Variants in CSMD1 observed in about 807,000 individuals in gnomAD.
The protein encoded by CSMD1 is CUB and sushi domain-containing protein 1.
Under a neutral mutation model 417.5 loss-of-function variants are expected in CSMD1, and 213 were observed. The ratio of observed to expected loss-of-function variants is 0.51; its 90% CI spans 0.46 to 0.57. The LOEUF is 0.57. CSMD1 is among the 20% of genes least tolerant of loss of function. CSMD1 has a pLI of 0.00. For synonymous variants in CSMD1, 2,862 were observed against 1,736.8 expected (o/e 1.65, Z -16.11); for missense variants, 6,923 against 4,529.7 (o/e 1.53, Z -15.17).
chr8:3,083,610 TTATATATATATATATATATATA>T (rs1554507974), intron 49 of CSMD1, among the ~76,000 whole-genome samples: 15 of 30,924 alleles, frequency 4.9e-4, no homozygotes, highest in African/African-American at 9.7e-4. Flanking sequence ...ACCATAATTT[TTATATATATATATATATATATA>T]TATATATATA....
At chr8:2,985,824 A>C (rs895716673) in intron 54 of CSMD1, among the ~76,000 whole-genome samples, 1 of 151,882 alleles carries the variant, frequency 6.6e-6, no homozygotes, top group African/African-American at 2.4e-5. Context: ...TTTATTCTAC[A>C]AGGAAACCGG....
At chr8:4,236,648 T>G (rs73186163) in intron 3 of CSMD1, among the ~76,000 whole-genome samples, 6,289 of 152,294 alleles carry the variant, frequency 0.041, 151 homozygotes, top group East Asian at 0.089. Flanking sequence ...AAATCAATGT[T>G]AAAATAATGA....
intron 3 of CSMD1, among the ~76,000 whole-genome samples, chr8:4,181,676 C>G (rs1798385403): frequency 6.6e-6 from 1 of 152,064 alleles, no homozygotes; most frequent in Non-Finnish European, 1.5e-5. Context: ...ATAATATTGA[C>G]TCAATTCATT....
At chr8:3,200,480 G>C (rs374558126) in intron 32 of CSMD1, among the ~76,000 whole-genome samples, 1 of 151,794 alleles carries the variant, frequency 6.6e-6, no homozygotes, top group African/African-American at 2.4e-5. Context: ...GCTTGAACCT[G>C]GGAGATGGAG....
At chr8:4,719,134 A>G (rs1808881838) in intron 1 of CSMD1, among the ~76,000 whole-genome samples, 1 of 152,190 alleles carries the variant, frequency 6.6e-6, no homozygotes, top group Non-Finnish European at 1.5e-5. Flanking sequence ...ACAAGAAACT[A>G]AAGACAATGA....
chr8:4,701,501 G>A (rs1333553384), intron 1 of CSMD1, among the ~76,000 whole-genome samples: 1 of 151,946 alleles, frequency 6.6e-6, no homozygotes, highest in Non-Finnish European at 1.5e-5. Flanking sequence ...GAACACCCAG[G>A]CCGCCTCCCA....
At chr8:3,588,852 C>T (rs1261505408) in intron 8 of CSMD1, among the ~76,000 whole-genome samples, 12 of 152,028 alleles carry the variant, frequency 7.9e-5, no homozygotes. Flanking sequence ...TTCATATCCA[C>T]AAATACAAAG....
intron 5 of CSMD1, among the ~76,000 whole-genome samples, chr8:3,815,589 T>C (rs1182736472): frequency 6.6e-6 from 1 of 150,668 alleles, no homozygotes; most frequent in African/African-American, 2.4e-5. Context: ...ACATAAAAAT[T>C]AATATGACTT....
chr8:4,452,394 G>C (rs533565095), intron 2 of CSMD1, among the ~76,000 whole-genome samples: 3 of 152,168 alleles, frequency 2.0e-5, no homozygotes, highest in Admixed American at 6.5e-5. Context: ...TCGAGGGCTT[G>C]GGGTTCAGAG....
chr8:3,666,907 G>T (rs971810680), intron 7 of CSMD1, among the ~76,000 whole-genome samples: 4 of 152,128 alleles, frequency 2.6e-5, no homozygotes, highest in African/African-American at 9.7e-5. Context: ...TATTACACCT[G>T]CTATGGTGCA....
intron 10 of CSMD1, among the ~76,000 whole-genome samples, chr8:3,516,853 T>G (rs1178195411): frequency 6.6e-6 from 1 of 152,174 alleles, no homozygotes; most frequent in African/African-American, 2.4e-5. Flanking sequence ...AACTCATTAT[T>G]TGATAAAGAT....
chr8:4,016,611 T>G (rs1261947027), intron 4 of CSMD1, among the ~76,000 whole-genome samples: 1 of 152,156 alleles, frequency 6.6e-6, no homozygotes, highest in Non-Finnish European at 1.5e-5. Flanking sequence ...TGAGGAAAAT[T>G]ATTTGGGTGA....
chr8:3,379,786 A>G (rs530244797), intron 18 of CSMD1, among the ~76,000 whole-genome samples: 2 of 152,348 alleles, frequency 1.3e-5, no homozygotes, highest in South Asian at 4.1e-4. Context: ...ACCTAAAACC[A>G]TAAAAACCCT....
chr8:3,495,881 T>C (rs1484795229), intron 10 of CSMD1, among the ~76,000 whole-genome samples: 2 of 152,130 alleles, frequency 1.3e-5, no homozygotes, highest in Non-Finnish European at 2.9e-5. Flanking sequence ...GGATGCTCCA[T>C]ATTTCTTTTT....
At chr8:4,000,315 CCA>C (rs1563303345) in intron 4 of CSMD1, among the ~76,000 whole-genome samples, 2 of 152,230 alleles carry the variant, frequency 1.3e-5, no homozygotes, top group Admixed American at 6.5e-5. Context: ...GCCCAGCTCG[CCA>C]CAGTTTTTAT....
chr8:4,517,996 C>G (rs2130378774), intron 2 of CSMD1, among the ~76,000 whole-genome samples: 1 of 152,200 alleles, frequency 6.6e-6, no homozygotes, highest in Non-Finnish European at 1.5e-5. Flanking sequence ...AATATTGATA[C>G]TCATTAAATT....
chr8:3,176,299 T>C (rs1820932213), intron 37 of CSMD1, among the ~76,000 whole-genome samples: 1 of 152,202 alleles, frequency 6.6e-6, no homozygotes, highest in Non-Finnish European at 1.5e-5. Context: ...TTAATGAGAA[T>C]ATACATTAAA....
chr8:4,890,378 C>T (rs1354848852), intron 1 of CSMD1, among the ~76,000 whole-genome samples: 4 of 152,114 alleles, frequency 2.6e-5, no homozygotes, highest in South Asian at 2.1e-4. Context: ...GCACTCGGGT[C>T]CTCACAGCCA....
intron 1 of CSMD1, among the ~76,000 whole-genome samples, chr8:4,968,736 G>GTTAACAGACCTTACCATGTCTCTT (rs1417359885): frequency 6.6e-6 from 1 of 152,030 alleles, no homozygotes; most frequent in Admixed American, 6.6e-5. Context: ...TGCTGGTTTA[G>GTTAACAGACCTTACCATGTCTCTT]TTAACAGACC....
Sources: gnomAD v4.1 joint callset for allele counts (sites outside exome capture counted in the v4.1 genomes callset) on GRCh38, gnomAD v4.1.1 for gene constraint, MANE v1.5 for transcripts, NCBI Gene and HGNC (gene_info 2026-07-23, HGNC 2026-07-21) for gene names.